The following ZNF521 variants were observed in gnomAD, a reference collection of about 807,000 sequenced individuals.
The protein encoded by ZNF521 is LYST-interacting protein 3.
In ZNF521, 14 loss-of-function variants were observed where a neutral mutation model predicts 105.5. The observed-to-expected ratio is 0.13, with a 90% CI of 0.09 to 0.21. The LOEUF (loss-of-function observed/expected upper bound fraction) is 0.21. Ranked by LOEUF, ZNF521 falls within the 10% of genes least tolerant of loss-of-function variation. The pLI, the probability that ZNF521 is intolerant of heterozygous loss-of-function variation, is 1.00. For synonymous variants in ZNF521, 635 were observed against 606.0 expected, an observed-to-expected ratio of 1.05 and a Z score of -0.70; for missense variants, 1,233 against 1,629.7, an observed-to-expected ratio of 0.76 and a Z score of 4.19.
intron 5 of ZNF521, among the ~76,000 whole-genome samples, chr18:25,144,792 T>G (rs2034912153): frequency 6.6e-6 from 1 of 152,214 alleles, no homozygotes; most frequent in Admixed American, 6.5e-5. Context: ...TAGCCTTTGC[T>G]TAACTGGAAA....
chr18:25,316,291 G>A (rs1283937126), intron 3 of ZNF521, among the ~76,000 whole-genome samples: 3 of 149,432 alleles, frequency 2.0e-5, no homozygotes, highest in Non-Finnish European at 4.4e-5. Context: ...GATGCAAATG[G>A]GGCTGAATGA....
At chr18:25,095,996 C>A (rs1397583435) in intron 5 of ZNF521, among the ~76,000 whole-genome samples, 3 of 152,158 alleles carry the variant, frequency 2.0e-5, no homozygotes. Context: ...AAGCCAGCAA[C>A]TTCCTGTCTT....
At chr18:25,096,929 C>T (rs187295821) in intron 5 of ZNF521, among the ~76,000 whole-genome samples, 9 of 152,206 alleles carry the variant, frequency 5.9e-5, no homozygotes, top group Admixed American at 3.9e-4. Flanking sequence ...AATCAAATGC[C>T]CTACAGTTGT....
At chr18:25,318,386 T>C (rs963169559) in intron 3 of ZNF521, among the ~76,000 whole-genome samples, 4 of 152,194 alleles carry the variant, frequency 2.6e-5, no homozygotes, top group African/African-American at 9.6e-5. Context: ...AAGAAGGGCG[T>C]GTCACATAGG....
intron 5 of ZNF521, among the ~76,000 whole-genome samples, chr18:25,122,159 C>A (rs1380937812): frequency 6.6e-6 from 1 of 151,932 alleles, no homozygotes. Context: ...ATGAAAAATA[C>A]AGATGGATTT....
chr18:25,229,663 G>A (rs937495303), intron 3 of ZNF521, among the ~76,000 whole-genome samples: 3 of 151,090 alleles, frequency 2.0e-5, no homozygotes, highest in African/African-American at 4.9e-5. Context: ...TACCCTAATT[G>A]AAAAAAAAGG....
chr18:25,326,250 T>A (rs1913213111), intron 2 of ZNF521, among the ~76,000 whole-genome samples: 1 of 152,204 alleles, frequency 6.6e-6, no homozygotes. Flanking sequence ...AAGGATCCCA[T>A]GCCTGATCAA....
chr18:25,301,164 T>C (rs1317527230), intron 3 of ZNF521, among the ~76,000 whole-genome samples: 1 of 152,196 alleles, frequency 6.6e-6, no homozygotes. Flanking sequence ...GAGATGTATT[T>C]AAATCTGGAA....
At chr18:25,289,159 G>A (rs8084413) in intron 3 of ZNF521, among the ~76,000 whole-genome samples, 88,822 of 151,974 alleles carry the variant, frequency 0.58, 27,617 homozygotes, top group African/African-American at 0.82. Context: ...GATGAAATTC[G>A]GTTGCTATGC....
chr18:25,184,891 G>C (rs2035694209), intron 5 of ZNF521, among the ~76,000 whole-genome samples: 1 of 152,166 alleles, frequency 6.6e-6, no homozygotes, highest in Non-Finnish European at 1.5e-5. Flanking sequence ...TTAAAAGCTT[G>C]TTCACAATTC....
At chr18:25,281,818 T>C (rs1910397926) in intron 3 of ZNF521, among the ~76,000 whole-genome samples, 1 of 152,148 alleles carries the variant, frequency 6.6e-6, no homozygotes, top group South Asian at 2.1e-4. Flanking sequence ...CAGTGCAGTT[T>C]AGAGTATCTT....
chr18:25,347,034 C>T (rs1044278786), intron 2 of ZNF521, among the ~76,000 whole-genome samples: 3 of 151,942 alleles, frequency 2.0e-5, no homozygotes, highest in East Asian at 1.9e-4. Flanking sequence ...GTAAAATGGC[C>T]GAGAAACTTC....
intron 3 of ZNF521, among the ~76,000 whole-genome samples, chr18:25,291,491 A>G (rs2145031789): frequency 6.6e-6 from 1 of 152,308 alleles, no homozygotes; most frequent in African/African-American, 2.4e-5. Flanking sequence ...GTAAGTAATG[A>G]ATTTGAGCTT....
chr18:25,189,486 T>C (rs924681758), intron 5 of ZNF521, among the ~76,000 whole-genome samples: 6 of 152,214 alleles, frequency 3.9e-5, no homozygotes, highest in African/African-American at 7.2e-5. Flanking sequence ...GATGTCCCCA[T>C]ACAGAGCTGC....
At chr18:25,341,761 TCTC>T (rs1914213246) in intron 2 of ZNF521, among the ~76,000 whole-genome samples, 1 of 152,212 alleles carries the variant, frequency 6.6e-6, no homozygotes, top group East Asian at 1.9e-4. Context: ...CGTACGTCCT[TCTC>T]CTCACCTGCA....
intron 3 of ZNF521, among the ~76,000 whole-genome samples, chr18:25,296,726 T>C (rs1387796259): frequency 1.3e-5 from 2 of 152,214 alleles, no homozygotes; most frequent in East Asian, 3.8e-4. Flanking sequence ...GAGGCCTTCC[T>C]GGAAAATGGT....
intron 1 of ZNF521, 116 bp downstream of exon 1, chr18:25,351,889 A>AGCAGCGGCGGCAGCGGCGGCG (rs1028127720): frequency 1.4e-5 from 4 of 278,290 alleles, no homozygotes; most frequent in Admixed American, 3.8e-5. Context: ...CGGCGGCGGC[A>AGCAGCGGCGGCAGCGGCGGCG]GCAGCGGCGG....
intron 5 of ZNF521, among the ~76,000 whole-genome samples, chr18:25,169,901 T>A (rs1038618138): frequency 6.6e-6 from 1 of 152,320 alleles, no homozygotes. Flanking sequence ...ATGCTGCAAT[T>A]ATAAAATACT....
intron 3 of ZNF521, among the ~76,000 whole-genome samples, chr18:25,261,588 C>T (rs1908912761): frequency 6.6e-6 from 1 of 152,048 alleles, no homozygotes; most frequent in Non-Finnish European, 1.5e-5. Context: ...TCCTCCTCTC[C>T]CTCCTTCACT....
Sources: gnomAD v4.1 joint callset for allele counts (sites outside exome capture counted in the v4.1 genomes callset) on GRCh38, gnomAD v4.1.1 for gene constraint, MANE v1.5 for transcripts, NCBI Gene and HGNC (gene_info 2026-07-23, HGNC 2026-07-21) for gene names.